SLC26A7: variants seen among roughly 807,000 people sequenced by gnomAD.
The protein encoded by SLC26A7 is solute carrier family 26 member 7.
A neutral mutation model predicts 82.5 loss-of-function variants in SLC26A7; 59 were observed. That is an observed-to-expected ratio of 0.72 (90% CI 0.58 to 0.89). The LOEUF (loss-of-function observed/expected upper bound fraction) is 0.89. SLC26A7 is among the 40% of genes least tolerant of loss of function. The pLI is 0.00. For missense variants in SLC26A7, 820 were observed against 793.0 expected (o/e 1.03, Z -0.41); for synonymous variants, 271 against 274.3 (o/e 0.99, Z 0.12).
chr8:91,261,767 G>T (rs1810972432), intron 2 of SLC26A7, among the ~76,000 whole-genome samples: 2 of 152,098 alleles, frequency 1.3e-5, no homozygotes, highest in South Asian at 4.1e-4. Flanking sequence ...AATCAGCTGA[G>T]TTAGTGTGCA....
chr8:91,284,056 ATG>A (rs1811646153), intron 2 of SLC26A7, among the ~76,000 whole-genome samples: 1 of 152,236 alleles, frequency 6.6e-6, no homozygotes. Flanking sequence ...TTTGAGAAAT[ATG>A]TGTATATACA....
chr8:91,223,732 T>C (rs535202941), intron 2 of SLC26A7, among the ~76,000 whole-genome samples: 2 of 152,288 alleles, frequency 1.3e-5, no homozygotes, highest in Admixed American at 6.5e-5. Flanking sequence ...TCTTGCTAGG[T>C]TGGGGAAGTT....
chr8:91,326,003 G>C (rs1563680382), intron 5 of SLC26A7, among the ~76,000 whole-genome samples: 1 of 152,122 alleles, frequency 6.6e-6, no homozygotes, highest in East Asian at 1.9e-4. Context: ...CATTTCCTTT[G>C]ATAGGCATTT....
intron 4 of SLC26A7, among the ~76,000 whole-genome samples, chr8:91,302,251 C>A (rs1045994049): frequency 6.6e-6 from 1 of 151,726 alleles, no homozygotes; most frequent in African/African-American, 2.4e-5. Flanking sequence ...ACTTTTTTGC[C>A]TTTTTGATTT....
chr8:91,376,719 G>A (rs560676785), intron 15 of SLC26A7, among the ~76,000 whole-genome samples: 1 of 152,230 alleles, frequency 6.6e-6, no homozygotes, highest in South Asian at 2.1e-4. Flanking sequence ...ACTAAGAGCT[G>A]GCTCACTTCC....
intron 15 of SLC26A7, among the ~76,000 whole-genome samples, chr8:91,376,991 A>G (rs1351708779): frequency 6.6e-6 from 1 of 152,078 alleles, no homozygotes; most frequent in Non-Finnish European, 1.5e-5. Flanking sequence ...CACTCCCACT[A>G]AAACCAACTC....
intron 18 of SLC26A7, 65 bp downstream of exon 18, chr8:91,394,104 C>T: frequency 4.4e-6 from 7 of 1,586,738 alleles, no homozygotes; most frequent in Non-Finnish European, 6.0e-6. Flanking sequence ...CGAAGCTTTG[C>T]ATCTTTTATA....
chr8:91,317,939 G>T (rs1293948444), intron 4 of SLC26A7, among the ~76,000 whole-genome samples: 1 of 140,516 alleles, frequency 7.1e-6, no homozygotes, highest in African/African-American at 2.6e-5. Flanking sequence ...ACTATAATAA[G>T]ATATATATAT....
At chr8:91,361,243 G>T (rs1814041606) in intron 11 of SLC26A7, among the ~76,000 whole-genome samples, 1 of 151,744 alleles carries the variant, frequency 6.6e-6, no homozygotes, top group Admixed American at 6.6e-5. Flanking sequence ...CAAAGGAGAA[G>T]TATTTCAAAA....
At chr8:91,309,346 T>C (rs1812411577) in intron 4 of SLC26A7, among the ~76,000 whole-genome samples, 1 of 151,736 alleles carries the variant, frequency 6.6e-6, no homozygotes, top group Non-Finnish European at 1.5e-5. Flanking sequence ...CATGAGCATA[T>C]ACTTAGGTCT....
intron 4 of SLC26A7, among the ~76,000 whole-genome samples, chr8:91,303,592 G>A (rs1223301809): frequency 6.6e-6 from 1 of 152,134 alleles, no homozygotes; most frequent in African/African-American, 2.4e-5. Context: ...AATTATAAAA[G>A]TGTGGGTGTT....
intron 2 of SLC26A7, among the ~76,000 whole-genome samples, chr8:91,220,351 T>C (rs887243408): frequency 3.9e-5 from 6 of 152,148 alleles, no homozygotes; most frequent in Non-Finnish European, 8.8e-5. Context: ...ACCTAAGCTG[T>C]TGAAAAAGTG....
At chr8:91,303,821 C>T (rs1248948074) in intron 4 of SLC26A7, among the ~76,000 whole-genome samples, 2 of 152,192 alleles carry the variant, frequency 1.3e-5, no homozygotes, top group Admixed American at 6.5e-5. Context: ...TTCAACACAT[C>T]GTACTTACTC....
chr8:91,209,928 T>A (rs949210635), intron 1 of SLC26A7, among the ~76,000 whole-genome samples: 2 of 152,194 alleles, frequency 1.3e-5, no homozygotes, highest in African/African-American at 2.4e-5. Context: ...GTTCTTACTA[T>A]ATGCAAGGTA....
intron 4 of SLC26A7, among the ~76,000 whole-genome samples, chr8:91,308,572 C>G (rs1451270091): frequency 1.3e-5 from 2 of 152,046 alleles, no homozygotes; most frequent in African/African-American, 2.4e-5. Flanking sequence ...ATACTGTATT[C>G]TGTGGAAATA....
intron 11 of SLC26A7, among the ~76,000 whole-genome samples, chr8:91,358,965 G>T (rs1157141777): frequency 6.6e-6 from 1 of 152,106 alleles, no homozygotes; most frequent in African/African-American, 2.4e-5. Flanking sequence ...AGAATTAGGA[G>T]ATATACCTAA....
intron 11 of SLC26A7, chr8:91,357,448 G>T (rs1006361595): frequency 1.3e-5 from 2 of 152,062 alleles, no homozygotes; most frequent in African/African-American, 4.8e-5. Flanking sequence ...ATAGAGGAGG[G>T]TTGAGTAAAA....
intron 15 of SLC26A7, among the ~76,000 whole-genome samples, chr8:91,384,229 T>C (rs1024836208): frequency 1.3e-5 from 2 of 152,158 alleles, no homozygotes; most frequent in Non-Finnish European, 2.9e-5. Context: ...CCTTTCCAAC[T>C]TTCAGAGGCC....
chr8:91,382,063 A>G (rs1000435671), intron 15 of SLC26A7, among the ~76,000 whole-genome samples: 1 of 152,096 alleles, frequency 6.6e-6, no homozygotes, highest in Non-Finnish European at 1.5e-5. Context: ...TTTTTTTCCT[A>G]TGAGTCAAAG....
Sources: gnomAD v4.1 joint callset for allele counts (sites outside exome capture counted in the v4.1 genomes callset) on GRCh38, gnomAD v4.1.1 for gene constraint, MANE v1.5 for transcripts, NCBI Gene and HGNC (gene_info 2026-07-23, HGNC 2026-07-21) for gene names.